The following PHF21A variants were observed in gnomAD, a reference collection of about 807,000 sequenced individuals.
PHF21A encodes PHD finger protein 21A, also known as BHC80a.
PHF21A carries 11 observed loss-of-function variants against 82.5 expected under a neutral mutation model. The observed-to-expected ratio is 0.13, with a 90% CI of 0.08 to 0.22. PHF21A has a LOEUF of 0.22. Ranked by LOEUF, PHF21A falls within the 10% of genes least tolerant of loss-of-function variation. The pLI is 1.00. For synonymous variants in PHF21A, 297 were observed against 302.8 expected, an observed-to-expected ratio of 0.98 and a Z score of 0.20; for missense variants, 579 against 837.8, an observed-to-expected ratio of 0.69 and a Z score of 3.81.
At chr11:45,998,265 A>G (rs1037076554) in intron 6 of PHF21A, among the ~76,000 whole-genome samples, 1 of 152,182 alleles carries the variant, frequency 6.6e-6, no homozygotes, top group Non-Finnish European at 1.5e-5. Context: ...TCATCCACAA[A>G]TATCAATTTG....
At chr11:46,020,947 G>A (rs1462114167) in intron 6 of PHF21A, among the ~76,000 whole-genome samples, 7 of 151,896 alleles carry the variant, frequency 4.6e-5, no homozygotes, top group African/African-American at 7.3e-5. Context: ...ATTCTAAGTC[G>A]AAAGTGCATT....
At chr11:45,951,724 C>T (rs1054158847) in intron 11 of PHF21A, among the ~76,000 whole-genome samples, 1 of 152,012 alleles carries the variant, frequency 6.6e-6, no homozygotes, top group Non-Finnish European at 1.5e-5. Context: ...TTATTGGCCA[C>T]TCACACCCAA....
At chr11:46,087,829 C>T (rs1456945611) in intron 3 of PHF21A, among the ~76,000 whole-genome samples, 2 of 152,166 alleles carry the variant, frequency 1.3e-5, no homozygotes, top group African/African-American at 4.8e-5. Flanking sequence ...GATCACGGCT[C>T]ACTGCAGCCT....
At position 46,047,626 on chromosome 11, in the gene PHF21A, T is replaced by C. The variant is rs577576142; in HGVS notation, c.153+29128A>G. Among the ~76,000 whole-genome samples the C allele has an allele frequency of 1.6e-3, 242 of 152,326 alleles. 1 individual carries two copies. Among genetic ancestry groups the C allele is most frequent in the South Asian group, 3.3e-3 (16 of 4,830 alleles). ...AAAGCATAATTAAGAGTCTGAAAGA[T>C]ATTATTTTTTCTTTGCAATGTTCTG... On this transcript the variant is annotated intron_variant, in intron 6 of 18. Coordinates refer to ENST00000676320, the MANE Select transcript of PHF21A (RefSeq NM_001352027.3).
At chr11:45,954,938 A>C (rs1028717694) in intron 10 of PHF21A, among the ~76,000 whole-genome samples, 1 of 152,174 alleles carries the variant, frequency 6.6e-6, no homozygotes, top group Non-Finnish European at 1.5e-5. Context: ...AAACACAAGC[A>C]CATAGATCTT....
intron 6 of PHF21A, among the ~76,000 whole-genome samples, chr11:46,046,642 G>C (rs1340209475): frequency 6.6e-6 from 1 of 152,064 alleles, no homozygotes; most frequent in Non-Finnish European, 1.5e-5. Flanking sequence ...CTGTCAAAAG[G>C]GTTGGTAATG....
At chr11:46,012,483 T>A (rs2095431795) in intron 6 of PHF21A, among the ~76,000 whole-genome samples, 1 of 152,212 alleles carries the variant, frequency 6.6e-6, no homozygotes, top group African/African-American at 2.4e-5. Context: ...ACCACACACC[T>A]TGGACAGAAT....
intron 1 of PHF21A, among the ~76,000 whole-genome samples, chr11:46,110,806 G>A (rs1435016052): frequency 1.4e-5 from 2 of 140,928 alleles, no homozygotes; most frequent in African/African-American, 5.5e-5. Context: ...TTTTTTTTGA[G>A]ACAGAGTCTT....
chr11:46,113,102 C>G (rs2097239768), intron 1 of PHF21A, among the ~76,000 whole-genome samples: 1 of 152,116 alleles, frequency 6.6e-6, no homozygotes, highest in Admixed American at 6.5e-5. Flanking sequence ...ATGGAGCAGA[C>G]AAGAAGGAAG....
At chr11:45,949,593 T>C (rs1215008366) in intron 12 of PHF21A, 112 bp from the exon 13 acceptor site, 9 of 918,100 alleles carry the variant, frequency 9.8e-6, no homozygotes, top group Admixed American at 1.8e-5. Flanking sequence ...CAGGGACAAG[T>C]CTCTGTTTCA....
intron 15 of PHF21A, among the ~76,000 whole-genome samples, chr11:45,943,516 C>T (rs993991685): frequency 4.0e-4 from 61 of 152,158 alleles, no homozygotes; most frequent in African/African-American, 1.4e-3. Context: ...GCAAAAGCCT[C>T]CTAACTGGTC....
At chr11:46,027,894 G>A (rs2095784486) in intron 6 of PHF21A, among the ~76,000 whole-genome samples, 1 of 152,226 alleles carries the variant, frequency 6.6e-6, no homozygotes, top group East Asian at 1.9e-4. Flanking sequence ...GAACATCTCA[G>A]AACTGTCAGT....
intron 6 of PHF21A, among the ~76,000 whole-genome samples, chr11:46,008,507 A>C (rs988815946): frequency 6.6e-6 from 1 of 151,896 alleles, no homozygotes; most frequent in African/African-American, 2.4e-5. Flanking sequence ...CTTGAAAGCT[A>C]CTCCATGGGT....
At chr11:46,031,668 G>C (rs563169219) in intron 6 of PHF21A, among the ~76,000 whole-genome samples, 1 of 152,120 alleles carries the variant, frequency 6.6e-6, no homozygotes, top group African/African-American at 2.4e-5. Context: ...ATTAATAGGC[G>C]CTCCGAGGCA....
At chr11:46,012,235 C>A (rs1421874427) in intron 6 of PHF21A, among the ~76,000 whole-genome samples, 2 of 152,150 alleles carry the variant, frequency 1.3e-5, no homozygotes, top group African/African-American at 4.8e-5. Context: ...TTTGTCTTTC[C>A]TGACCTCTTT....
At chr11:46,102,882 C>A (rs1205602880) in intron 1 of PHF21A, among the ~76,000 whole-genome samples, 1 of 152,160 alleles carries the variant, frequency 6.6e-6, no homozygotes, top group Non-Finnish European at 1.5e-5. Flanking sequence ...CTAATAATTA[C>A]AACAGTGTTT....
chr11:46,080,431 T>C (rs919428426), intron 4 of PHF21A, among the ~76,000 whole-genome samples: 4 of 151,862 alleles, frequency 2.6e-5, no homozygotes, highest in Non-Finnish European at 4.4e-5. Flanking sequence ...AGTGCTGAGA[T>C]TAAGGTGTGA....
At chr11:45,963,422 A>C (rs2093238283) in intron 10 of PHF21A, among the ~76,000 whole-genome samples, 2 of 65,388 alleles carry the variant, frequency 3.1e-5, no homozygotes, top group African/African-American at 9.5e-5. Context: ...CTCTGTGTCA[A>C]AAAAAAAAAA....
intron 8 of PHF21A, 167 bp downstream of exon 8, chr11:45,970,949 G>GAT: frequency 1.3e-6 from 1 of 769,602 alleles, no homozygotes; most frequent in Non-Finnish European, 2.0e-6. Context: ...GATTTGAGCA[G>GAT]ATAGCAGAAA....
Sources: allele counts gnomAD v4.1 joint callset (sites outside exome capture counted in the v4.1 genomes callset), GRCh38; gene constraint gnomAD v4.1.1; transcripts MANE v1.5; gene names NCBI Gene and HGNC (gene_info 2026-07-23, HGNC 2026-07-21).